The following SNX24 variants were observed in gnomAD, a reference collection of about 807,000 sequenced individuals.
The protein encoded by SNX24 is sorting nexin 24.
SNX24 carries 22 observed loss-of-function variants against 28.7 expected under a neutral mutation model. The ratio of observed to expected loss-of-function variants is 0.77; its 90% CI spans 0.55 to 1.10. SNX24 has a LOEUF of 1.10. SNX24 is among the 50% of genes least tolerant of loss of function. The probability of loss-of-function intolerance (pLI) is 0.00; values close to 1 mark genes in which losing one functional copy is unlikely to be tolerated. For missense variants in SNX24, 221 were observed against 201.1 expected (o/e 1.10, Z -0.60); for synonymous variants, 69 against 71.5 (o/e 0.96, Z 0.18).
chr5:122,946,091 A>C lies in SNX24; in HGVS notation c.181A>C (p.Lys61Gln). Reference sequence around the variant, plus strand: ...TATAAAAACTCCAGAAATCCCTTCTAAACATGTTAGGAACTGGGTCCCCAA... The same window carrying C: ...TATAAAAACTCCAGAAATCCCTTCTCAACATGTTAGGAACTGGGTCCCCAA... ...KCIKTPEIPS[K>Q]HVRNWVPKVL... The change falls in exon 3 of 7, where the codon AAA becomes CAA. Residue 61 changes from lysine to glutamine, a missense_variant. By Grantham distance (53) the Lys-to-Gln change is moderately conservative. Transcript: ENST00000261369. 6.2e-7 allele frequency: 1 copy of C among 1,609,298 alleles called. No homozygotes were observed. The highest frequency in any genetic ancestry group is 8.5e-7 in the Non-Finnish European group (1 of 1,176,814).
At chr5:122,871,351 G>A (rs154502) in intron 1 of SNX24, among the ~76,000 whole-genome samples, 118,275 of 152,154 alleles carry the variant, frequency 0.78, 47,005 homozygotes, top group East Asian at 0.99. Context: ...AAGATGCCCT[G>A]TAGAGTGTAT....
rs1348757638 is a variant in SNX24 at position 122,946,097 on chromosome 5, G to T, written c.187G>T (p.Val63Phe). The change falls in exon 3 of 7, where the codon GTT becomes TTT. Residue 63 changes from valine (V) to phenylalanine (F), a missense_variant. By Grantham distance (50) the Val-to-Phe change is conservative. Coordinates refer to ENST00000261369, the MANE Select transcript of SNX24 (RefSeq NM_014035.4). ...IKTPEIPSKHVRNWVPKVLEQ... is the reference protein window; with the variant it reads ...IKTPEIPSKHFRNWVPKVLEQ... ...AACTCCAGAAATCCCTTCTAAACAT[G>T]TTAGGAACTGGGTCCCCAAAGTCTT... 2 of 1,608,396 alleles carry T rather than the reference G, an allele frequency of 1.2e-6. No homozygotes were observed. Among genetic ancestry groups the T allele is most frequent in the Non-Finnish European group, 1.7e-6 (2 of 1,177,184 alleles).
intron 3 of SNX24, among the ~76,000 whole-genome samples, chr5:122,947,048 T>C (rs545221715): frequency 6.6e-6 from 1 of 152,062 alleles, no homozygotes; most frequent in East Asian, 1.9e-4. Flanking sequence ...AATGATGGAG[T>C]GAACATGGCT....
chr5:122,957,563 C>G (rs1760267205), intron 3 of SNX24, among the ~76,000 whole-genome samples: 1 of 152,094 alleles, frequency 6.6e-6, no homozygotes, highest in African/African-American at 2.4e-5. Context: ...AATAAAAAAA[C>G]TTCTTTGGAA....
chr5:123,008,457 C>A lies in SNX24; in HGVS notation c.*708C>A. 1 of 191,918 alleles carries A rather than the reference C, an allele frequency of 5.2e-6. No individual in the cohort carries two copies. The allele number at this position is 191,918 out of a possible 1,614,324, so 11.9% of individuals were successfully genotyped here. A position where few individuals can be genotyped will look rare whatever the true frequency, so the allele number is the denominator to read the frequency against. On this transcript the variant is annotated 3_prime_UTR_variant, in exon 7 of 7. Transcript: ENST00000261369. ...GGTGCCATGTTGGAAACCTGTACATCCACAACAAGTAGCTTTTCCTCCTAT... is the reference window on the plus strand; with the variant it reads ...GGTGCCATGTTGGAAACCTGTACATACACAACAAGTAGCTTTTCCTCCTAT...
At chr5:122,924,359 C>T (rs1440896626) in intron 1 of SNX24, among the ~76,000 whole-genome samples, 1 of 152,174 alleles carries the variant, frequency 6.6e-6, no homozygotes, top group Non-Finnish European at 1.5e-5. Context: ...AATACTGCAA[C>T]AGTCGATCTG....
chr5:123,027,092 T>C (rs576849006), intron 5 of SNX24, among the ~76,000 whole-genome samples: 17 of 151,614 alleles, frequency 1.1e-4, no homozygotes, highest in Non-Finnish European at 2.4e-4. Context: ...TACTTGGGAG[T>C]CTGAGGCAGG....
intron 1 of SNX24, among the ~76,000 whole-genome samples, chr5:122,874,386 A>G (rs139397892): frequency 9.8e-5 from 15 of 152,364 alleles, no homozygotes; most frequent in African/African-American, 3.4e-4. Flanking sequence ...CCAGAAGGAC[A>G]GATACTGATA....
intron 3 of SNX24, among the ~76,000 whole-genome samples, chr5:122,994,502 A>G: frequency 6.6e-6 from 1 of 152,364 alleles, no homozygotes; most frequent in Non-Finnish European, 1.5e-5. Flanking sequence ...AGTATTTGGG[A>G]TGTCACAGAA....
At chr5:122,994,743 T>G (rs1035428684) in intron 3 of SNX24, among the ~76,000 whole-genome samples, 3 of 152,242 alleles carry the variant, frequency 2.0e-5, no homozygotes. Flanking sequence ...TCATAGAGTT[T>G]ACATTTTTAA....
chr5:122,920,242 A>G (rs979375697), intron 1 of SNX24, among the ~76,000 whole-genome samples: 3 of 152,174 alleles, frequency 2.0e-5, no homozygotes, highest in African/African-American at 7.2e-5. Context: ...TTAACTTGGA[A>G]TTTAAATTTG....
intron 3 of SNX24, among the ~76,000 whole-genome samples, chr5:122,966,034 A>G (rs1561667824): frequency 6.6e-6 from 1 of 152,198 alleles, no homozygotes; most frequent in East Asian, 1.9e-4. Context: ...CAAAAAGGAA[A>G]ATTGATTAAA....
chr5:123,007,599 T>C (rs1762459563), intron 6 of SNX24, 83 bp from the exon 7 acceptor site: 2 of 1,248,178 alleles, frequency 1.6e-6, no homozygotes, highest in Non-Finnish European at 2.3e-6. Context: ...CCTTGTTCCA[T>C]TCTACAGAAT....
chr5:122,887,316 T>A (rs769604838), intron 1 of SNX24, among the ~76,000 whole-genome samples: 1 of 152,228 alleles, frequency 6.6e-6, no homozygotes, highest in Non-Finnish European at 1.5e-5. Context: ...TAATTGTCGT[T>A]TATCTGTGAG....
intron 1 of SNX24, among the ~76,000 whole-genome samples, chr5:122,897,908 T>C (rs1347615136): frequency 6.6e-6 from 1 of 152,226 alleles, no homozygotes; most frequent in African/African-American, 2.4e-5. Flanking sequence ...AGTATTTGAC[T>C]TTATGTCTTC....
At chr5:122,992,355 A>G (rs1292899288) in intron 3 of SNX24, among the ~76,000 whole-genome samples, 2 of 152,170 alleles carry the variant, frequency 1.3e-5, no homozygotes, top group African/African-American at 2.4e-5. Flanking sequence ...AGATCACTCA[A>G]TGACTCCCAA....
intron 1 of SNX24, among the ~76,000 whole-genome samples, 189 bp downstream of exon 1, chr5:122,845,882 G>C (rs1183657697): frequency 1.3e-5 from 2 of 151,602 alleles, no homozygotes; most frequent in Non-Finnish European, 2.9e-5. Context: ...TCCCGGGCAC[G>C]GCGGCTGCGG....
intron 1 of SNX24, among the ~76,000 whole-genome samples, chr5:122,932,846 A>G (rs534304390): frequency 1.6e-3 from 222 of 138,668 alleles, no homozygotes; most frequent in Admixed American, 4.8e-3. Flanking sequence ...GCGACAGAGC[A>G]AGACTCTGTC....
chr5:122,951,092 C>T (rs1266688566), intron 3 of SNX24, among the ~76,000 whole-genome samples: 1 of 151,608 alleles, frequency 6.6e-6, no homozygotes, highest in East Asian at 1.9e-4. Flanking sequence ...ACGGTGAAAC[C>T]CCATCTCTAC....
Sources: allele counts gnomAD v4.1 joint callset (sites outside exome capture counted in the v4.1 genomes callset), GRCh38; gene constraint gnomAD v4.1.1; transcripts MANE v1.5; gene names NCBI Gene and HGNC (gene_info 2026-07-23, HGNC 2026-07-21).